Variants in PIK3C2G observed in about 807,000 individuals in gnomAD.
The protein encoded by PIK3C2G is phosphatidylinositol-4-phosphate 3-kinase catalytic subunit type 2 gamma, also known as phosphatidylinositol 3-kinase C2 domain-containing subunit gamma.
PIK3C2G carries 168 observed loss-of-function variants against 181.1 expected under a neutral mutation model. The observed-to-expected ratio is 0.93, with a 90% CI of 0.82 to 1.05. The LOEUF is 1.05. Among genes scored for constraint, PIK3C2G ranks in the 50% least tolerant of loss-of-function variants. The pLI is 0.00. For missense variants in PIK3C2G, 1,869 were observed against 1,732.8 expected, an observed-to-expected ratio of 1.08 and a Z score of -1.40; for synonymous variants, 573 against 592.2, an observed-to-expected ratio of 0.97 and a Z score of 0.47.
the PIK3C2G span, chr12:18,705,466 G>T: frequency 1.1e-6 from 1 of 929,360 alleles, no homozygotes; most frequent in East Asian, 2.6e-5. Flanking sequence ...GTACTTTTGA[G>T]TTTGGCAAAA....
At chr12:18,681,475 A>G in the PIK3C2G span, among the ~76,000 whole-genome samples, 2 of 152,054 alleles carry the variant, frequency 1.3e-5, no homozygotes, top group Non-Finnish European at 2.9e-5. Flanking sequence ...TTCCCAACCT[A>G]TTCTAAATGT....
intron 11 of PIK3C2G, among the ~76,000 whole-genome samples, chr12:18,357,126 T>G (rs1180352427): frequency 6.6e-6 from 1 of 152,200 alleles, no homozygotes; most frequent in Non-Finnish European, 1.5e-5. Flanking sequence ...AAAAGATATC[T>G]CAAAATGTTA....
At chr12:18,439,761 C>T (rs1304508589) in intron 18 of PIK3C2G, among the ~76,000 whole-genome samples, 1 of 152,048 alleles carries the variant, frequency 6.6e-6, no homozygotes, top group Admixed American at 6.6e-5. Context: ...AAGATTCTAT[C>T]CATACCACGT....
chr12:18,350,748 A>ATGTTG (rs1940144281), intron 11 of PIK3C2G, among the ~76,000 whole-genome samples: 1 of 152,144 alleles, frequency 6.6e-6, no homozygotes, highest in South Asian at 2.1e-4. Flanking sequence ...AACATAATGG[A>ATGTTG]CTCTGAATCA....
intron 24 of PIK3C2G, among the ~76,000 whole-genome samples, chr12:18,513,511 A>C (rs969069269): frequency 6.6e-6 from 1 of 151,388 alleles, no homozygotes; most frequent in African/African-American, 2.4e-5. Flanking sequence ...CTGCTTTCTG[A>C]TTCAGTCTTG....
At chr12:18,262,370 T>C (rs1405192572) in intron 1 of PIK3C2G, among the ~76,000 whole-genome samples, 1 of 152,064 alleles carries the variant, frequency 6.6e-6, no homozygotes, top group Admixed American at 6.6e-5. Flanking sequence ...AATTATTGCA[T>C]CTTAGGAAAC....
intron 11 of PIK3C2G, among the ~76,000 whole-genome samples, chr12:18,361,833 G>C (rs760499170): frequency 6.6e-6 from 1 of 152,094 alleles, no homozygotes; most frequent in Non-Finnish European, 1.5e-5. Flanking sequence ...AGTCCCTCAG[G>C]CAATCTCTTT....
At chr12:18,615,449 T>C (rs1028547136) in intron 31 of PIK3C2G, among the ~76,000 whole-genome samples, 3 of 151,576 alleles carry the variant, frequency 2.0e-5, no homozygotes, top group African/African-American at 4.8e-5. Flanking sequence ...ACCTAAAATA[T>C]ATATATCATT....
intron 16 of PIK3C2G, among the ~76,000 whole-genome samples, chr12:18,409,706 G>T (rs1944747342): frequency 6.6e-6 from 1 of 151,996 alleles, no homozygotes; most frequent in Non-Finnish European, 1.5e-5. Context: ...GAATGGAGAG[G>T]GTCTGTGAAA....
At chr12:18,430,407 C>T (rs1946089537) in intron 18 of PIK3C2G, among the ~76,000 whole-genome samples, 1 of 152,134 alleles carries the variant, frequency 6.6e-6, no homozygotes, top group Non-Finnish European at 1.5e-5. Context: ...CAAAATGTTC[C>T]TTTCAAAGTA....
intron 30 of PIK3C2G, among the ~76,000 whole-genome samples, chr12:18,598,258 G>A (rs77053859): frequency 6.6e-6 from 1 of 151,624 alleles, no homozygotes; most frequent in Admixed American, 6.6e-5. Flanking sequence ...ATACTACAAG[G>A]CTACAGTAAC....
chr12:18,430,392 C>T (rs1230335408), intron 18 of PIK3C2G, among the ~76,000 whole-genome samples: 1 of 152,154 alleles, frequency 6.6e-6, no homozygotes, highest in Non-Finnish European at 1.5e-5. Flanking sequence ...ATGCAAAAAT[C>T]TCTTCAAAAT....
At chr12:18,374,532 T>C (rs1942301872) in intron 13 of PIK3C2G, among the ~76,000 whole-genome samples, 1 of 152,182 alleles carries the variant, frequency 6.6e-6, no homozygotes, top group Admixed American at 6.5e-5. Context: ...ACCAGGCTAC[T>C]TAGAATAGAA....
chr12:18,252,675 C>G (rs1428243436), intron 1 of PIK3C2G, among the ~76,000 whole-genome samples: 1 of 152,098 alleles, frequency 6.6e-6, no homozygotes, highest in African/African-American at 2.4e-5. Context: ...CCTGTTTGTT[C>G]AAATTCGACT....
chr12:18,704,240 T>C, the PIK3C2G span, among the ~76,000 whole-genome samples: 1 of 152,166 alleles, frequency 6.6e-6, no homozygotes, highest in African/African-American at 2.4e-5. Context: ...GGAACTTTCC[T>C]GTGAAGCAAT....
At chr12:18,660,305 G>C in the PIK3C2G span, among the ~76,000 whole-genome samples, 1 of 152,076 alleles carries the variant, frequency 6.6e-6, no homozygotes, top group African/African-American at 2.4e-5. Context: ...AAATATCAGG[G>C]ATCTGTGTTC....
the PIK3C2G span, among the ~76,000 whole-genome samples, chr12:18,709,625 T>A: frequency 6.6e-6 from 1 of 152,118 alleles, no homozygotes; most frequent in South Asian, 2.1e-4. Context: ...TTCACACCTG[T>A]AATCCCAGCA....
At chr12:18,574,822 A>T (rs536189361) in intron 29 of PIK3C2G, among the ~76,000 whole-genome samples, 2 of 152,276 alleles carry the variant, frequency 1.3e-5, no homozygotes, top group African/African-American at 4.8e-5. Flanking sequence ...TTTCCACTGG[A>T]TCTTGGGAAA....
intron 18 of PIK3C2G, among the ~76,000 whole-genome samples, chr12:18,448,817 C>T (rs1208080659): frequency 6.6e-6 from 1 of 151,296 alleles, no homozygotes; most frequent in East Asian, 1.9e-4. Context: ...ATATTATACA[C>T]ACACATATAT....
Sources: gnomAD v4.1 joint callset for allele counts (sites outside exome capture counted in the v4.1 genomes callset) on GRCh38, gnomAD v4.1.1 for gene constraint, MANE v1.5 for transcripts, NCBI Gene and HGNC (gene_info 2026-07-23, HGNC 2026-07-21) for gene names.